SLC25A13: variants seen among roughly 807,000 people sequenced by gnomAD.
The protein encoded by SLC25A13 is electrogenic aspartate/glutamate antiporter SLC25A13, mitochondrial.
A neutral mutation model predicts 85.5 loss-of-function variants in SLC25A13; 70 were observed. That is an observed-to-expected ratio of 0.82 (90% CI 0.68 to 1.00). SLC25A13 has a LOEUF of 1.00. Ranked by LOEUF, SLC25A13 falls within the 50% of genes least tolerant of loss-of-function variation. The pLI, the probability that SLC25A13 is intolerant of heterozygous loss-of-function variation, is 0.00. For missense variants in SLC25A13, 765 were observed against 819.8 expected (o/e 0.93, Z 0.82); for synonymous variants, 259 against 288.7 (o/e 0.90, Z 1.04).
intron 4 of SLC25A13, among the ~76,000 whole-genome samples, chr7:96,227,843 T>C (rs535122380): frequency 5.9e-5 from 9 of 152,320 alleles, no homozygotes; most frequent in African/African-American, 2.2e-4. Context: ...AATATCTTCC[T>C]GACCCGGAGG....
At chr7:96,250,390 T>A (rs1214708446) in intron 3 of SLC25A13, among the ~76,000 whole-genome samples, 3 of 152,218 alleles carry the variant, frequency 2.0e-5, no homozygotes, top group African/African-American at 7.2e-5. Context: ...CAAAATTCAC[T>A]AAAAGAGCAG....
At chr7:96,140,680 G>A (rs1792510205) in intron 14 of SLC25A13, among the ~76,000 whole-genome samples, 1 of 151,936 alleles carries the variant, frequency 6.6e-6, no homozygotes, top group Non-Finnish European at 1.5e-5. Context: ...TGGGATTACA[G>A]GCGTCAGGCA....
At chr7:96,141,369 T>G (rs1240859407) in intron 14 of SLC25A13, among the ~76,000 whole-genome samples, 1 of 152,148 alleles carries the variant, frequency 6.6e-6, no homozygotes, top group Admixed American at 6.5e-5. Context: ...CAATATACTG[T>G]GAGCAGGGAC....
At chr7:96,250,520 T>C (rs1797380825) in intron 3 of SLC25A13, among the ~76,000 whole-genome samples, 1 of 152,026 alleles carries the variant, frequency 6.6e-6, no homozygotes, top group Non-Finnish European at 1.5e-5. Flanking sequence ...GGGACATGAG[T>C]CCAGTCCCTT....
At position 96,185,817 on chromosome 7, in the gene SLC25A13, G is replaced by A. The variant is rs564115105; in HGVS notation, c.934-806C>T. Among the ~76,000 whole-genome samples, 12 of 149,858 alleles carry A rather than the reference G, an allele frequency of 8.0e-5. 1 individual carries two copies. In the East Asian group the frequency reaches 1.6e-3, roughly 20 times the overall value. ...TGGGAAGCTGAGGCAGGAGAATGGC[G>A]TGAACCCGTGAGGTGAAGCTTGCAG... On this transcript the variant is annotated intron_variant, in intron 9 of 17. Transcript: ENST00000265631.
chr7:96,179,161 T>C (rs1794330134), intron 11 of SLC25A13, among the ~76,000 whole-genome samples: 1 of 152,176 alleles, frequency 6.6e-6, no homozygotes, highest in African/African-American at 2.4e-5. Context: ...TTTCTAGAAG[T>C]AAAGAGAATT....
rs185858651 is a variant in SLC25A13, at chr7:96,146,488, A to C, written c.1452+68T>G. On this transcript the variant is annotated intron_variant, in intron 14 of 17. Transcript: ENST00000265631. The stretch of plus-strand genomic sequence containing the variant: ...GCAAAAAAAAATGGATTTCATGTTG[A>C]AGAATAGTTTCTGCATTAGGAGATG... The C allele has an allele frequency of 4.3e-4, 677 of 1,570,998 alleles. 2 individuals are homozygous for C. Among genetic ancestry groups the C allele is most frequent in the Non-Finnish European group, 3.5e-5 (40 of 1,153,078 alleles).
intron 15 of SLC25A13, among the ~76,000 whole-genome samples, chr7:96,122,566 G>A (rs918436464): frequency 5.3e-5 from 8 of 152,102 alleles, no homozygotes; most frequent in African/African-American, 1.9e-4. Context: ...GTGTTGGGGG[G>A]TGGGAGGTGG....
intron 13 of SLC25A13, among the ~76,000 whole-genome samples, chr7:96,167,233 C>T (rs1793790601): frequency 6.6e-6 from 1 of 152,142 alleles, no homozygotes; most frequent in Non-Finnish European, 1.5e-5. Flanking sequence ...TGAAAGTTAG[C>T]CCTTTTACAT....
In SLC25A13 at chr7:96,121,568, T is replaced by C. The variant is rs566667986; in HGVS notation, c.1841+87A>G. 5.5e-5 allele frequency: 80 copies of C among 1,444,638 alleles called. No homozygotes were observed. The East Asian group carries it at 1.5e-3, about 26-fold the overall frequency. The allele number at this position is 1,444,638 out of a possible 1,614,324, so 89.5% of individuals were successfully genotyped here. A position where few individuals can be genotyped will look rare whatever the true frequency, so the allele number is the denominator to read the frequency against. ...TCCCTAAATCTCTTCTATTTTATTA[T>C]AGAGACTAGACTGAGGTACCTTTCC... On this transcript the variant is annotated intron_variant, in intron 17 of 17. Coordinates refer to ENST00000265631, the MANE Select transcript of SLC25A13 (RefSeq NM_014251.3).
At chr7:96,274,530 A>G (rs903305204) in intron 3 of SLC25A13, among the ~76,000 whole-genome samples, 1 of 152,112 alleles carries the variant, frequency 6.6e-6, no homozygotes, top group African/African-American at 2.4e-5. Context: ...CCATTTGTCA[A>G]TTTTGGCTTT....
intron 15 of SLC25A13, among the ~76,000 whole-genome samples, chr7:96,128,572 C>T (rs1246691993): frequency 6.6e-6 from 1 of 151,864 alleles, no homozygotes; most frequent in South Asian, 2.1e-4. Flanking sequence ...TTACCAGAAA[C>T]GGGGGATCAG....
chr7:96,292,076 C>T (rs180723930), intron 2 of SLC25A13, among the ~76,000 whole-genome samples: 125 of 152,288 alleles, frequency 8.2e-4, no homozygotes, highest in Non-Finnish European at 1.5e-3. Context: ...AAATGCTTAT[C>T]CACCATGATA....
intron 1 of SLC25A13, among the ~76,000 whole-genome samples, chr7:96,312,588 T>C (rs1413487005): frequency 6.6e-6 from 1 of 151,236 alleles, no homozygotes; most frequent in Non-Finnish European, 1.5e-5. Context: ...ACAAATCTAG[T>C]AGCTTACCTG....
intron 3 of SLC25A13, among the ~76,000 whole-genome samples, chr7:96,265,494 C>T (rs1209346088): frequency 6.6e-6 from 1 of 152,162 alleles, no homozygotes; most frequent in African/African-American, 2.4e-5. Flanking sequence ...AAAACAACTG[C>T]TCAAGTACTT....
intron 3 of SLC25A13, among the ~76,000 whole-genome samples, chr7:96,241,037 G>GAAAGAAA (rs1160209567): frequency 3.7e-5 from 3 of 80,614 alleles, no homozygotes; most frequent in Admixed American, 1.5e-4. Flanking sequence ...AAGAAAGAAA[G>GAAAGAAA]GAAAGAAAGA....
chr7:96,122,281 T>C (rs897039115), intron 15 of SLC25A13, among the ~76,000 whole-genome samples: 4 of 152,224 alleles, frequency 2.6e-5, no homozygotes, highest in Non-Finnish European at 4.4e-5. Context: ...AGAAATTGTT[T>C]ATCAATAACA....
intron 11 of SLC25A13, among the ~76,000 whole-genome samples, chr7:96,172,737 G>A (rs1158758394): frequency 2.6e-5 from 4 of 151,904 alleles, no homozygotes; most frequent in Non-Finnish European, 5.9e-5. Context: ...TTTGAGGCCC[G>A]TACCTCAATG....
At chr7:96,121,490 C>T in intron 17 of SLC25A13, 113 bp from the exon 18 acceptor site, 1 of 1,400,812 alleles carries the variant, frequency 7.1e-7, no homozygotes, top group South Asian at 1.2e-5. Context: ...GATACATTCT[C>T]ATCAGTTGTA....
Sources: allele counts gnomAD v4.1 joint callset (sites outside exome capture counted in the v4.1 genomes callset), GRCh38; gene constraint gnomAD v4.1.1; transcripts MANE v1.5; gene names NCBI Gene and HGNC (gene_info 2026-07-23, HGNC 2026-07-21).